The following ZNF169 variants were observed in gnomAD, a reference collection of about 807,000 sequenced individuals.
ZNF169 encodes the protein zinc finger protein 169.
A neutral mutation model predicts 12.0 loss-of-function variants in ZNF169; 11 were observed. The ratio of observed to expected loss-of-function variants is 0.92; its 90% CI spans 0.58 to 1.52. ZNF169 has a LOEUF of 1.52. Among genes scored for constraint, ZNF169 ranks in the 40% most tolerant of loss-of-function variants. The probability of loss-of-function intolerance (pLI) is 0.00; values close to 1 mark genes in which losing one functional copy is unlikely to be tolerated. For synonymous variants in ZNF169, 302 were observed against 286.5 expected (o/e 1.05, Z -0.55); for missense variants, 722 against 744.0 (o/e 0.97, Z 0.34).
intron 2 of ZNF169, among the ~76,000 whole-genome samples, chr9:94,291,550 G>A (rs1425287827): frequency 2.0e-5 from 3 of 152,120 alleles, no homozygotes; most frequent in African/African-American, 7.2e-5. Context: ...CAGAGGACAT[G>A]ATTGTCTATG....
At chr9:94,281,682 C>T (rs931841565) in intron 2 of ZNF169, among the ~76,000 whole-genome samples, 2 of 152,078 alleles carry the variant, frequency 1.3e-5, no homozygotes, top group East Asian at 3.9e-4. Context: ...AGGCATGAGA[C>T]GTCAATCAAA....
At chr9:94,287,359 G>T (rs926976013) in intron 2 of ZNF169, among the ~76,000 whole-genome samples, 9 of 149,240 alleles carry the variant, frequency 6.0e-5, no homozygotes, top group African/African-American at 2.3e-4. Flanking sequence ...CTGCAAAATT[G>T]TTTGTTTGTT....
chr9:94,260,843 T>C (rs13286711), intron 1 of ZNF169, among the ~76,000 whole-genome samples: 18,536 of 101,420 alleles, frequency 0.18, 2,484 homozygotes, highest in Middle Eastern at 0.31. Context: ...TTTTTTGAGA[T>C]GAAGTCTCAC....
chr9:94,296,820 C>T (rs1055514416), intron 4 of ZNF169: 2 of 456,342 alleles, frequency 4.4e-6, no homozygotes, highest in African/African-American at 2.0e-5. Context: ...CTTAGGCAGG[C>T]GGATCACAAG....
At chr9:94,291,049 T>C (rs1322216092) in intron 2 of ZNF169, among the ~76,000 whole-genome samples, 1 of 16,456 alleles carries the variant, frequency 6.1e-5, no homozygotes, top group Non-Finnish European at 3.7e-4. Flanking sequence ...ACAGTATTCT[T>C]TTTTTTTTTT....
intron 4 of ZNF169, chr9:94,299,505 G>C (rs1382873106): frequency 7.8e-7 from 1 of 1,277,584 alleles, no homozygotes; most frequent in Non-Finnish European, 9.9e-7. Flanking sequence ...ATGTTTCTCA[G>C]GCAAGGTTTA....
At chr9:94,288,050 G>A (rs1361175321) in intron 2 of ZNF169, 1 of 781,052 alleles carries the variant, frequency 1.3e-6, no homozygotes, top group Admixed American at 1.7e-5. Flanking sequence ...CTACACTGTT[G>A]CTCTAGGTCA....
chr9:94,289,242 TAAA>T (rs1418117776), intron 2 of ZNF169, among the ~76,000 whole-genome samples: 4 of 151,058 alleles, frequency 2.6e-5, no homozygotes, highest in African/African-American at 9.7e-5. Context: ...GTTAAAAAAA[TAAA>T]AAAATTAGCC....
intron 1 of ZNF169, among the ~76,000 whole-genome samples, chr9:94,261,613 C>G (rs1483351069): frequency 6.7e-6 from 1 of 148,282 alleles, no homozygotes; most frequent in Non-Finnish European, 1.5e-5. Flanking sequence ...TTGTCTCTTT[C>G]ACTAGGGGTC....
Position 94,270,718 on chromosome 9 carries a change from A to AATAT in ZNF169, c.-55-8039_-55-8036dup, listed in dbSNP as rs1301930474. On this transcript the variant is annotated intron_variant, in intron 1 of 4. Transcript: ENST00000395395. ...TAATTTATATAATTATATAATATAT[A>AATAT]ATATTATATATTATATAATTAATGT... Among the ~76,000 whole-genome samples the AATAT allele has an allele frequency of 1.6e-3, 55 of 34,066 alleles. 10 individuals carry two copies. In the East Asian group the frequency reaches 0.023, roughly 14 times the overall value. The allele number at this position is 34,066 out of a possible 152,430, so 22.3% of individuals were successfully genotyped here. A position where few individuals can be genotyped will look rare whatever the true frequency, so the allele number is the denominator to read the frequency against.
intron 3 of ZNF169, chr9:94,292,693 C>A: frequency 1.5e-6 from 1 of 660,110 alleles, no homozygotes; most frequent in South Asian, 2.0e-5. Context: ...ATTTTTCAGG[C>A]CTGTTTACCC....
chr9:94,287,892 C>G (rs1436520470), intron 2 of ZNF169: 9 of 975,152 alleles, frequency 9.2e-6, no homozygotes, highest in African/African-American at 4.8e-5. Flanking sequence ...GGCTGCTATT[C>G]CGAAGCTAGT....
intron 1 of ZNF169, among the ~76,000 whole-genome samples, chr9:94,274,874 G>T (rs186538914): frequency 3.3e-5 from 5 of 152,306 alleles, no homozygotes; most frequent in African/African-American, 1.2e-4. Flanking sequence ...CGTGTGGCTG[G>T]CTTGGAGCTG....
At chr9:94,266,234 G>A (rs1305163775) in intron 1 of ZNF169, among the ~76,000 whole-genome samples, 2 of 152,114 alleles carry the variant, frequency 1.3e-5, no homozygotes, top group African/African-American at 2.4e-5. Context: ...CACTCAGTCA[G>A]TACTGAAACA....
chr9:94,262,521 C>T (rs556207139), intron 1 of ZNF169, among the ~76,000 whole-genome samples: 11 of 152,050 alleles, frequency 7.2e-5, no homozygotes, highest in African/African-American at 2.7e-4. Flanking sequence ...TGCAGTGGTG[C>T]GATCTCGGCT....
Position 94,301,399 on chromosome 9 carries a change from G to T in ZNF169, c.*29G>T, listed in dbSNP as rs1276468201. The T allele has an allele frequency of 1.4e-5, 21 of 1,538,872 alleles. No individual in the cohort carries two copies. The highest frequency in any genetic ancestry group is 1.8e-5 in the Non-Finnish European group (21 of 1,142,478). On this transcript the variant is annotated 3_prime_UTR_variant, in exon 5 of 5. Transcript: ENST00000395395. Reference sequence around the variant, plus strand: ...TTCCTTTCCCCGTGAGTGTGAAGCTGGCAGAAATCACTAGTAAATGCTTCA... The same window carrying T: ...TTCCTTTCCCCGTGAGTGTGAAGCTTGCAGAAATCACTAGTAAATGCTTCA...
At chr9:94,283,259 A>C (rs1417244133) in intron 2 of ZNF169, among the ~76,000 whole-genome samples, 1 of 152,070 alleles carries the variant, frequency 6.6e-6, no homozygotes, top group African/African-American at 2.4e-5. Flanking sequence ...AAACACAAAA[A>C]TTAGCTGGGC....
chr9:94,281,367 A>G (rs7871267), intron 2 of ZNF169, among the ~76,000 whole-genome samples: 56,834 of 152,088 alleles, frequency 0.37, 11,046 homozygotes, highest in Middle Eastern at 0.45. Flanking sequence ...TGAGAGGAGA[A>G]TTGTAACATG....
At chr9:94,273,672 C>T (rs973003479) in intron 1 of ZNF169, among the ~76,000 whole-genome samples, 6 of 151,064 alleles carry the variant, frequency 4.0e-5, no homozygotes, top group African/African-American at 1.2e-4. Flanking sequence ...CTCCGCCTCC[C>T]GGGTTCACGC....
Sources: gnomAD v4.1 joint callset for allele counts (sites outside exome capture counted in the v4.1 genomes callset) on GRCh38, gnomAD v4.1.1 for gene constraint, MANE v1.5 for transcripts, NCBI Gene and HGNC (gene_info 2026-07-23, HGNC 2026-07-21) for gene names.